The following RAB28 variants were observed in gnomAD, a reference collection of about 807,000 sequenced individuals.
RAB28 encodes RAB28, member RAS oncogene family.
In RAB28, 24 loss-of-function variants were observed where a neutral mutation model predicts 31.7. The observed-to-expected ratio is 0.76, with a 90% CI of 0.55 to 1.06. RAB28 has a LOEUF of 1.06. RAB28 is among the 50% of genes least tolerant of loss of function. RAB28 has a pLI of 0.00. For missense variants in RAB28, 254 were observed against 258.5 expected, an observed-to-expected ratio of 0.98 and a Z score of 0.12; for synonymous variants, 100 against 90.4, an observed-to-expected ratio of 1.11 and a Z score of -0.60.
chr4:13,464,572 G>A (rs1029939999), intron 3 of RAB28, among the ~76,000 whole-genome samples: 1 of 152,054 alleles, frequency 6.6e-6, no homozygotes, highest in Non-Finnish European at 1.5e-5. Context: ...ACCAACATCT[G>A]AAAGAGCTGC....
chr4:13,424,107 C>A (rs150326561), intron 4 of RAB28, among the ~76,000 whole-genome samples: 3 of 152,124 alleles, frequency 2.0e-5, no homozygotes, highest in African/African-American at 4.8e-5. Context: ...GATGAAAAAA[C>A]GAAAAGTTTT....
chr4:13,389,094 G>T (rs1729511430), intron 4 of RAB28, among the ~76,000 whole-genome samples: 1 of 152,116 alleles, frequency 6.6e-6, no homozygotes, highest in Non-Finnish European at 1.5e-5. Context: ...ACAAAATGCA[G>T]TGTATATATA....
chr4:13,377,850 T>A (rs1560267367), intron 5 of RAB28, among the ~76,000 whole-genome samples: 2 of 152,088 alleles, frequency 1.3e-5, no homozygotes, highest in Non-Finnish European at 2.9e-5. Flanking sequence ...GCCAAGGGGA[T>A]TTGGTGACAG....
At chr4:13,399,020 T>C (rs888780810) in intron 4 of RAB28, among the ~76,000 whole-genome samples, 5 of 152,152 alleles carry the variant, frequency 3.3e-5, no homozygotes, top group Non-Finnish European at 5.9e-5. Flanking sequence ...ATAGGCATTT[T>C]ACACATATTA....
In RAB28 at chr4:13,367,860, A is replaced by G. The variant is rs1425902499; in HGVS notation, c.*698T>C. 1.0e-6 allele frequency: 1 copy of G among 984,920 alleles called. No homozygotes were observed. Among genetic ancestry groups the G allele is most frequent in the African/African-American group, 1.7e-5 (1 of 57,238 alleles). 61.0% of individuals were successfully genotyped at this position (984,920 alleles called of 1,614,324 possible). A position where few individuals can be genotyped will look rare whatever the true frequency, so the allele number is the denominator to read the frequency against. On this transcript the variant is annotated 3_prime_UTR_variant, in exon 7 of 7. Coordinates refer to ENST00000330852, the MANE Select transcript of RAB28 (RefSeq NM_001017979.3). ...ATTCCACGTGGAGCATCAGCTGAAC[A>G]TTTATCAGAATTCAGAAAGCCTTCA...
At chr4:13,393,867 A>C (rs1030404242) in intron 4 of RAB28, among the ~76,000 whole-genome samples, 1 of 151,854 alleles carries the variant, frequency 6.6e-6, no homozygotes, top group Non-Finnish European at 1.5e-5. Flanking sequence ...AAAAAAAAAA[A>C]AAAAAAACAG....
Position 13,474,391 on chromosome 4 carries a change from G to T in RAB28, c.188C>A (p.Thr63Asn), listed in dbSNP as rs1716255211. 4 of 1,576,898 alleles carry T rather than the reference G, an allele frequency of 2.5e-6. No individual in the cohort carries two copies. The highest frequency in any genetic ancestry group is 2.3e-5 in the East Asian group (1 of 44,412). ...RITLPGNLNV[T>N]LQIWDIGGQT... ...CCCTCCTATATCCCAAATTTGAAGGGTAACATTCAAGTTTCCTAGAATATA... is the reference window on the plus strand; with the variant it reads ...CCCTCCTATATCCCAAATTTGAAGGTTAACATTCAAGTTTCCTAGAATATA... Residue 63 changes from threonine to asparagine, a missense_variant, in exon 3 of 7, where the codon ACC becomes AAC. Transcript: ENST00000330852.
intron 4 of RAB28, among the ~76,000 whole-genome samples, chr4:13,416,087 T>C (rs914181415): frequency 2.6e-5 from 4 of 152,092 alleles, no homozygotes; most frequent in African/African-American, 9.7e-5. Flanking sequence ...CAAAACAGAC[T>C]CGGCTCTCTG....
At chr4:13,474,549 AT>A (rs1391066766) in intron 2 of RAB28, 143 bp from the exon 3 acceptor site, 1 of 461,112 alleles carries the variant, frequency 2.2e-6, no homozygotes, top group Non-Finnish European at 3.8e-6. Flanking sequence ...CTCACATGAT[AT>A]TTGGAATTGC....
chr4:13,394,670 A>G (rs1190414687), intron 4 of RAB28, among the ~76,000 whole-genome samples: 1 of 152,230 alleles, frequency 6.6e-6, no homozygotes, highest in Non-Finnish European at 1.5e-5. Flanking sequence ...ACAATTGAGG[A>G]AAACAAAGAA....
chr4:13,389,398 C>T (rs1314026424), intron 4 of RAB28, among the ~76,000 whole-genome samples: 1 of 152,092 alleles, frequency 6.6e-6, no homozygotes. Context: ...AATATGACTA[C>T]AGTAACACTA....
chr4:13,383,003 T>C (rs1057172674), intron 4 of RAB28, among the ~76,000 whole-genome samples: 6 of 150,940 alleles, frequency 4.0e-5, no homozygotes, highest in African/African-American at 1.5e-4. Flanking sequence ...CCTGGTCTTT[T>C]TGTTTTGCTT....
chr4:13,369,862 A>C (rs1455773530), intron 6 of RAB28: 1 of 1,597,060 alleles, frequency 6.3e-7, no homozygotes, highest in Non-Finnish European at 8.5e-7. Flanking sequence ...ATAATTTATC[A>C]CTTAATACCT....
chr4:13,376,402 C>A, intron 6 of RAB28, 143 bp downstream of exon 6: 2 of 526,850 alleles, frequency 3.8e-6, no homozygotes, highest in South Asian at 3.7e-5. Flanking sequence ...CTGCAATAAA[C>A]ACTGATTCAT....
chr4:13,457,492 A>G (rs1422661432), intron 4 of RAB28, among the ~76,000 whole-genome samples: 1 of 152,112 alleles, frequency 6.6e-6, no homozygotes, highest in African/African-American at 2.4e-5. Context: ...TAATCTCTTT[A>G]TCTTACATAT....
At chr4:13,482,604 T>C (rs935033260) in intron 1 of RAB28, among the ~76,000 whole-genome samples, 9 of 152,258 alleles carry the variant, frequency 5.9e-5, no homozygotes, top group African/African-American at 1.9e-4. Flanking sequence ...GAAACAATGA[T>C]TTATTTATAG....
At chr4:13,393,704 C>T (rs1273880799) in intron 4 of RAB28, among the ~76,000 whole-genome samples, 8 of 150,706 alleles carry the variant, frequency 5.3e-5, no homozygotes, top group Non-Finnish European at 8.8e-5. Flanking sequence ...GCATAATTAA[C>T]TATATCATAA....
intron 6 of RAB28, 55 bp downstream of exon 6, chr4:13,376,490 T>A (rs1489297253): frequency 1.5e-6 from 2 of 1,327,514 alleles, no homozygotes; most frequent in Non-Finnish European, 2.1e-6. Flanking sequence ...GGGTGAAAAT[T>A]AATGCCTTGT....
intron 4 of RAB28, among the ~76,000 whole-genome samples, chr4:13,443,089 T>C (rs112020064): frequency 4.8e-4 from 73 of 152,332 alleles, no homozygotes; most frequent in African/African-American, 1.7e-3. Flanking sequence ...AATAATTTAA[T>C]TTTCAAAACA....
Sources: allele counts gnomAD v4.1 joint callset (sites outside exome capture counted in the v4.1 genomes callset), GRCh38; gene constraint gnomAD v4.1.1; transcripts MANE v1.5; gene names NCBI Gene and HGNC (gene_info 2026-07-23, HGNC 2026-07-21).